The following KANSL3 variants were observed in gnomAD, a reference collection of about 807,000 sequenced individuals.
KANSL3 encodes the protein KAT8 regulatory NSL complex subunit 3.
In KANSL3, 16 loss-of-function variants were observed where a neutral mutation model predicts 89.2. The ratio of observed to expected loss-of-function variants is 0.18; its 90% confidence interval spans 0.12 to 0.27. KANSL3 has a LOEUF of 0.27. Among genes scored for constraint, KANSL3 ranks in the 10% least tolerant of loss-of-function variants. KANSL3 has a pLI of 1.00. For missense variants in KANSL3, 879 were observed against 1,110.6 expected, an observed-to-expected ratio of 0.79 and a Z score of 2.96; for synonymous variants, 385 against 419.7, an observed-to-expected ratio of 0.92 and a Z score of 1.01.
intron 3 of KANSL3, among the ~76,000 whole-genome samples, chr2:96,620,844 A>G (rs764710441): frequency 2.0e-5 from 3 of 151,984 alleles, no homozygotes; most frequent in South Asian, 2.1e-4. Context: ...TCTAAAAAAA[A>G]TACAAAAATT....
chr2:96,596,187 G>T (rs1410234448), intron 20 of KANSL3, among the ~76,000 whole-genome samples: 1 of 152,200 alleles, frequency 6.6e-6, no homozygotes, highest in Non-Finnish European at 1.5e-5. Context: ...AGAGAGGGTG[G>T]CCTTTTTTAC....
Position 96,604,761 on chromosome 2 carries a change from G to T in KANSL3, c.2018+18C>A. 3 of 1,570,106 alleles carry T rather than the reference G, an allele frequency of 1.9e-6. No individual in the cohort carries two copies. Among genetic ancestry groups the T allele is most frequent in the Non-Finnish European group, 2.6e-6 (3 of 1,154,012 alleles). On this transcript the variant is annotated intron_variant, in intron 16 of 20. Transcript: ENST00000431828. ...AGGGAAAAAAGGAATAGACACAGAT[G>T]GTCCAATAAACACTCACTTGGCTGT...
intron 20 of KANSL3, chr2:96,601,421 T>C: frequency 1.0e-6 from 1 of 985,340 alleles, no homozygotes; most frequent in Non-Finnish European, 1.2e-6. Flanking sequence ...CTTGAACATA[T>C]GTACTCTTCA....
Position 96,604,274 on chromosome 2 carries a change from T to C in KANSL3, c.2125A>G (p.Thr709Ala). The change falls in exon 17 of 21, where the codon ACA (threonine) becomes GCA (alanine). Residue 709 changes from threonine (T) to alanine (A), a missense_variant. Around this residue, in one of 6 missense-constraint regions of KANSL3, gnomAD observed 317 missense variants for 311.2 expected, o/e 1.02. Transcript: ENST00000431828. ...CCTGGGAGGGAGCTGCCAGGAGATG[T>C]GGCCACCAGGCGGCTCTGCAGTGTG... is the stretch of plus-strand genomic sequence containing the variant. ...LHTLQSRLVATSPGSSLPGAT... is the reference protein window; with the variant it reads ...LHTLQSRLVAASPGSSLPGAT... 1 of 1,610,196 alleles carries C rather than the reference T, an allele frequency of 6.2e-7. No individual in the cohort carries two copies. Among genetic ancestry groups the C allele is most frequent in the Non-Finnish European group, 8.5e-7 (1 of 1,178,518 alleles).
chr2:96,616,303 T>C (rs938985438), intron 5 of KANSL3, among the ~76,000 whole-genome samples: 2 of 152,180 alleles, frequency 1.3e-5, no homozygotes, highest in Non-Finnish European at 2.9e-5. Context: ...TATCTAACAG[T>C]AGTATATAGC....
chr2:96,609,351 AT>A (rs1287017560), intron 12 of KANSL3, 147 bp downstream of exon 12: 2 of 755,642 alleles, frequency 2.6e-6, no homozygotes, highest in Non-Finnish European at 4.6e-6. Flanking sequence ...CACCACTCTC[AT>A]TTTTCTTTTC....
intron 17 of KANSL3, 87 bp downstream of exon 17, chr2:96,604,163 G>T (rs1156255291): frequency 2.1e-6 from 3 of 1,444,228 alleles, no homozygotes; most frequent in Non-Finnish European, 2.8e-6. Context: ...TATGGATTTA[G>T]CTCCAGGGAT....
chr2:96,624,754 TC>T (rs1285422532), intron 3 of KANSL3, among the ~76,000 whole-genome samples: 1 of 152,020 alleles, frequency 6.6e-6, no homozygotes, highest in Non-Finnish European at 1.5e-5. Context: ...ACTCCTGACC[TC>T]AAGTGATCTG....
intron 20 of KANSL3, among the ~76,000 whole-genome samples, chr2:96,598,509 A>G (rs985341852): frequency 6.6e-6 from 1 of 152,122 alleles, no homozygotes; most frequent in Non-Finnish European, 1.5e-5. Flanking sequence ...TTGCCTTTGT[A>G]TGTATAATAA....
At chr2:96,600,944 A>G (rs2067090592) in intron 20 of KANSL3, 1 of 957,254 alleles carries the variant, frequency 1.0e-6, no homozygotes, top group Non-Finnish European at 1.2e-6. Context: ...TTGGAGTTCA[A>G]GGCCAGCTTG....
the KANSL3 span, among the ~76,000 whole-genome samples, chr2:96,585,014 G>A: frequency 1.3e-5 from 2 of 152,182 alleles, no homozygotes; most frequent in African/African-American, 2.4e-5. Flanking sequence ...TGGCTCAAAC[G>A]CTGCGGTGGA....
intron 3 of KANSL3, among the ~76,000 whole-genome samples, chr2:96,627,216 GCTT>G (rs905994636): frequency 1.3e-5 from 2 of 151,640 alleles, no homozygotes; most frequent in African/African-American, 4.9e-5. Context: ...GGAGGAACAT[GCTT>G]CTTTTTTTTT....
chr2:96,632,051 T>A (rs544408135), intron 2 of KANSL3, among the ~76,000 whole-genome samples: 1 of 149,790 alleles, frequency 6.7e-6, no homozygotes, highest in Non-Finnish European at 1.5e-5. Context: ...GTCTCAAAAA[T>A]AAATAAATAA....
At chr2:96,584,083 T>C in the KANSL3 span, among the ~76,000 whole-genome samples, 1,441 of 152,382 alleles carry the variant, frequency 9.5e-3, 24 homozygotes, top group African/African-American at 0.033. Context: ...AATTCTTTTA[T>C]GTATTCTGGT....
At chr2:96,628,565 G>T (rs916987577) in intron 3 of KANSL3, 1 of 164,414 alleles carries the variant, frequency 6.1e-6, no homozygotes, top group Non-Finnish European at 1.3e-5. Context: ...CCACCCGGGA[G>T]AATCACCTGA....
rs182014024 is a variant in KANSL3 at position 96,635,033 on chromosome 2, T to C, written c.215+1888A>G. Among the ~76,000 whole-genome samples the C allele has an allele frequency of 1.6e-4, 25 of 152,350 alleles. No homozygotes were observed. The East Asian group carries it at 4.6e-3, about 28-fold the overall frequency. On this transcript the variant is annotated intron_variant, in intron 2 of 20. Coordinates refer to ENST00000431828, the MANE Select transcript of KANSL3 (RefSeq NM_001115016.3). ...AAATACATCTCAAAGTCATCTATAT[T>C]TCTCCATTTGTACTGTTCCTGCCCT...
chr2:96,618,263 G>A (rs1042168199), intron 5 of KANSL3, among the ~76,000 whole-genome samples: 1 of 151,938 alleles, frequency 6.6e-6, no homozygotes, highest in African/African-American at 2.4e-5. Context: ...CACCCAGGCT[G>A]GAGTGCAGTG....
intron 20 of KANSL3, among the ~76,000 whole-genome samples, chr2:96,597,250 T>C (rs1249210053): frequency 3.3e-5 from 5 of 152,176 alleles, no homozygotes; most frequent in African/African-American, 1.2e-4. Context: ...AATTGCCTCA[T>C]AAATGTCAAA....
intron 14 of KANSL3, among the ~76,000 whole-genome samples, chr2:96,608,189 C>G (rs1245075356): frequency 1.3e-5 from 2 of 152,144 alleles, no homozygotes; most frequent in African/African-American, 4.8e-5. Context: ...TCACCCAATA[C>G]ATATGATTGG....
Sources: gnomAD v4.1 joint callset for allele counts (sites outside exome capture counted in the v4.1 genomes callset) on GRCh38, gnomAD v4.1.1 for gene constraint, gnomAD v4.1.1 regional missense constraint, MANE v1.5 for transcripts, NCBI Gene and HGNC (gene_info 2026-07-23, HGNC 2026-07-21) for gene names.